Variants in PLBD2 observed in about 807,000 individuals in gnomAD.
PLBD2 encodes phospholipase B domain containing 2, also known as putative aminopeptidase PLBD2.
PLBD2 carries 51 observed loss-of-function variants against 68.3 expected under a neutral mutation model. The ratio of observed to expected loss-of-function variants is 0.75; its 90% CI spans 0.60 to 0.94. The LOEUF (loss-of-function observed/expected upper bound fraction) is 0.94. Among genes scored for constraint, PLBD2 ranks in the 40% least tolerant of loss-of-function variants. The pLI, the probability that PLBD2 is intolerant of heterozygous loss-of-function variation, is 0.00. For missense variants in PLBD2, 729 were observed against 792.2 expected, an observed-to-expected ratio of 0.92 and a Z score of 0.96; for synonymous variants, 314 against 339.3, an observed-to-expected ratio of 0.93 and a Z score of 0.82.
intron 1 of PLBD2, among the ~76,000 whole-genome samples, chr12:113,367,947 T>C (rs1957356095): frequency 6.6e-6 from 1 of 151,954 alleles, no homozygotes; most frequent in South Asian, 2.1e-4. Flanking sequence ...CTGGGTGTGG[T>C]GGCTCACACC....
At chr12:113,364,792 G>A (rs576410499) in intron 1 of PLBD2, among the ~76,000 whole-genome samples, 80 of 152,208 alleles carry the variant, frequency 5.3e-4, no homozygotes, top group African/African-American at 1.9e-3. Context: ...CAAATACTTA[G>A]TGAGTGCATA....
At chr12:113,379,512 G>T (rs919180262) in intron 5 of PLBD2, among the ~76,000 whole-genome samples, 1 of 152,080 alleles carries the variant, frequency 6.6e-6, no homozygotes, top group Non-Finnish European at 1.5e-5. Flanking sequence ...CATGCAGGGC[G>T]GGTATAAGGA....
At position 113,387,866 on chromosome 12, in the gene PLBD2, A is replaced by G; in HGVS notation, c.1562A>G (p.Gln521Arg). ...CCGGCCAATGGCTCCTACCCCTTCC[A>G]GGCCCTGCGTCAGCGCTCCCATGGG... ...LNPANGSYPF[Q>R]ALRQRSHGGI... Residue 521 changes from glutamine (Q) to arginine (R), a missense_variant, in exon 11 of 12, where the codon CAG becomes CGG. Physicochemically the swap from Gln to Arg is conservative, Grantham distance 43 (BLOSUM62 1). Coordinates refer to ENST00000280800, the MANE Select transcript of PLBD2 (RefSeq NM_173542.4). The G allele has an allele frequency of 6.2e-7, 1 of 1,614,146 alleles. No homozygotes were observed. Among genetic ancestry groups the G allele is most frequent in the South Asian group, 1.1e-5 (1 of 91,084 alleles).
intron 1 of PLBD2, 103 bp from the exon 2 acceptor site, chr12:113,369,013 G>A (rs1379968413): frequency 8.6e-6 from 6 of 698,660 alleles, no homozygotes; most frequent in Admixed American, 2.9e-5. Context: ...TCACGTGCAC[G>A]TCTACTGACC....
At chr12:113,363,452 A>C (rs1477384158) in intron 1 of PLBD2, among the ~76,000 whole-genome samples, 1 of 151,672 alleles carries the variant, frequency 6.6e-6, no homozygotes, top group Non-Finnish European at 1.5e-5. Context: ...AACAAAACAA[A>C]TTTCTAGCAG....
intron 3 of PLBD2, among the ~76,000 whole-genome samples, chr12:113,373,499 TAA>T (rs923475331): frequency 6.6e-6 from 1 of 152,006 alleles, no homozygotes; most frequent in Non-Finnish European, 1.5e-5. Flanking sequence ...ACTCACACCC[TAA>T]GACAGACTCT....
Position 113,391,079 on chromosome 12 carries a change from G to T in PLBD2, c.*2453G>T, listed in dbSNP as rs538548824. The stretch of plus-strand genomic sequence containing the variant: ...ATGTTTATTGAGCACCTGTGTTCTG[G>T]GTCCTATTTGGGAGCCTTGTTAACC... On this transcript the variant is annotated 3_prime_UTR_variant, in exon 12 of 12. Coordinates refer to ENST00000280800, the MANE Select transcript of PLBD2 (RefSeq NM_173542.4). 7.2e-5 allele frequency: 11 copies of T among 152,038 alleles called. No homozygotes were observed. The highest frequency in any genetic ancestry group is 2.7e-4 in the African/African-American group (11 of 41,482). The allele number at this position is 152,038 out of a possible 1,614,324, so 9.4% of individuals were successfully genotyped here.
Position 113,358,659 on chromosome 12 carries a change from C to A in PLBD2, c.59C>A (p.Ala20Glu), listed in dbSNP as rs1312382716. The change falls in exon 1 of 12, where the codon GCG (alanine) becomes GAG (glutamate). Residue 20 changes from alanine (A) to glutamate (E), a missense_variant. Transcript: ENST00000280800. ...CACCTGGCCCGGGCGCTGACGCGGG[C>A]GCTGGCGCTGGCCCTGGTGCTGGCC... ...GSHLARALTR[A>E]LALALVLALL... 1 of 1,460,792 alleles carries A rather than the reference C, an allele frequency of 6.8e-7. No homozygotes were observed. The highest frequency in any genetic ancestry group is 1.5e-5 in the African/African-American group (1 of 67,578). The allele number at this position is 1,460,792 out of a possible 1,614,324, so 90.5% of individuals were successfully genotyped here.
Position 113,386,947 on chromosome 12 carries a change from A to T in PLBD2, c.1297A>T (p.Thr433Ser). Reference sequence around the variant, plus strand: ...CCTTGTCCCCGGCAGGTCCTTCGAGACTGTGTTCAATGCCAGTGGGCTGCA... The same window carrying T: ...CCTTGTCCCCGGCAGGTCCTTCGAGTCTGTGTTCAATGCCAGTGGGCTGCA... ...WASYNIPSFE[T>S]VFNASGLQAL... Residue 433 changes from threonine (T) to serine (S), a missense_variant, in exon 10 of 12, where the codon ACT becomes TCT. Coordinates refer to ENST00000280800, the MANE Select transcript of PLBD2 (RefSeq NM_173542.4). 1 of 1,612,790 alleles carries T rather than the reference A, an allele frequency of 6.2e-7. No individual in the cohort carries two copies.
intron 1 of PLBD2, among the ~76,000 whole-genome samples, chr12:113,361,337 T>TG (rs796623989): frequency 4.9e-4 from 73 of 148,360 alleles, no homozygotes; most frequent in African/African-American, 1.8e-3. Context: ...GTTTTTTTTT[T>TG]TTTGTTTTTT....
At chr12:113,374,631 G>A (rs963239353) in intron 4 of PLBD2, 57 bp downstream of exon 4, 61 of 1,488,892 alleles carry the variant, frequency 4.1e-5, no homozygotes, top group Non-Finnish European at 4.3e-5. Context: ...ACTCATAGTC[G>A]GACAGACCTG....
intron 10 of PLBD2, 121 bp downstream of exon 10, chr12:113,387,210 G>T: frequency 1.6e-6 from 2 of 1,290,278 alleles, no homozygotes; most frequent in Non-Finnish European, 2.1e-6. Flanking sequence ...CCAGCAGGGG[G>T]TGGTCAGATG....
At chr12:113,361,889 T>C (rs1957299857) in intron 1 of PLBD2, among the ~76,000 whole-genome samples, 2 of 152,236 alleles carry the variant, frequency 1.3e-5, no homozygotes, top group South Asian at 4.1e-4. Flanking sequence ...ACCATCCCGT[T>C]GAGAGAGGAA....
At chr12:113,375,222 T>C (rs765475228) in intron 5 of PLBD2, 2 of 570,936 alleles carry the variant, frequency 3.5e-6, no homozygotes, top group Non-Finnish European at 6.2e-6. Context: ...CATGGCTCAC[T>C]GTAGCCTTGA....
Position 113,388,935 on chromosome 12 carries a change from G to A in PLBD2, c.*309G>A, listed in dbSNP as rs185393727. The A allele has an allele frequency of 5.4e-3, 1,255 of 230,808 alleles. 17 individuals are homozygous for A. Among genetic ancestry groups the A allele is most frequent in the African/African-American group, 0.025 (1,115 of 44,148 alleles). The allele number at this position is 230,808 out of a possible 1,614,324, so 14.3% of individuals were successfully genotyped here. On this transcript the variant is annotated 3_prime_UTR_variant, in exon 12 of 12. Transcript: ENST00000280800. ...TTCCCACCTCTGGGGCCCCTTCCTC[G>A]TGCTTCTCCTTCCTGAGGGTTTGGG...
rs1443888861 is a variant in PLBD2, at chr12:113,372,077, G to A, written c.385-572G>A. Among the ~76,000 whole-genome samples the A allele has an allele frequency of 1.3e-5, 2 of 152,168 alleles. No individual in the cohort carries two copies. Among genetic ancestry groups the A allele is most frequent in the Admixed American group, 6.5e-5 (1 of 15,268 alleles). On this transcript the variant is annotated intron_variant, in intron 2 of 11. Coordinates refer to ENST00000280800, the MANE Select transcript of PLBD2 (RefSeq NM_173542.4). The surrounding 1 kb of genome is among the most constrained non-coding windows in gnomAD (Gnocchi z 4.2). ...GGATGTGTTTCAGTGAGATGGTGATGGAGCAGCAGTCATGAAGCCATCAAT... is the reference window on the plus strand; with the variant it reads ...GGATGTGTTTCAGTGAGATGGTGATAGAGCAGCAGTCATGAAGCCATCAAT...
rs1156572600 is a variant in PLBD2 at position 113,374,477 on chromosome 12, C to A, written c.547C>A (p.Arg183=). 8 of 1,592,490 alleles carry A rather than the reference C, an allele frequency of 5.0e-6. No homozygotes were observed. The highest frequency in any genetic ancestry group is 6.8e-6 in the Non-Finnish European group (8 of 1,169,744). ...CTGCCCCCGCCCCCTCCCCTAGGTG[C>A]GGCTGACCCTCCTGCAGCTGAAAGG... is the stretch of plus-strand genomic sequence containing the variant. ...NPDSPYWHQV[R]LTLLQLKGLE... Residue 183 remains arginine (R), a synonymous_variant, in exon 4 of 12, where the codon CGG becomes AGG. Transcript: ENST00000280800.
intron 1 of PLBD2, among the ~76,000 whole-genome samples, chr12:113,360,412 G>A (rs550349169): frequency 2.0e-5 from 3 of 152,334 alleles, no homozygotes; most frequent in African/African-American, 7.2e-5. Flanking sequence ...CCAGCATGGG[G>A]AGGGGGCTTT....
chr12:113,360,677 G>A lies in PLBD2; in HGVS notation c.290+1787G>A, dbSNP rs141674726. 8.1e-3 allele frequency among the ~76,000 whole-genome samples: 1,230 copies of A among 152,300 alleles called. 14 individuals carry two copies. The highest frequency in any genetic ancestry group is 0.028 in the African/African-American group (1,160 of 41,560). On this transcript the variant is annotated intron_variant, in intron 1 of 11. Transcript: ENST00000280800. ...TTTTTATTTGTATTTTATTTTTTGA[G>A]ACACAGTTTCACTCCGTTGCCCAGC... is the stretch of plus-strand genomic sequence containing the variant.
Sources: allele counts gnomAD v4.1 joint callset (sites outside exome capture counted in the v4.1 genomes callset), GRCh38; gene constraint gnomAD v4.1.1; non-coding constraint Gnocchi (gnomAD v3.1); transcripts MANE v1.5; gene names NCBI Gene and HGNC (gene_info 2026-07-23, HGNC 2026-07-21).